Variants in PI4KA observed in about 807,000 individuals in gnomAD.
The protein encoded by PI4KA is phosphatidylinositol 4-kinase alpha.
Under a neutral mutation model 271.4 loss-of-function variants are expected in PI4KA, and 122 were observed. The ratio of observed to expected loss-of-function variants is 0.45; its 90% CI spans 0.39 to 0.52. PI4KA has a LOEUF of 0.52. Among genes scored for constraint, PI4KA ranks in the 20% least tolerant of loss-of-function variants. The pLI is 0.00. For synonymous variants in PI4KA, 1,041 were observed against 1,078.8 expected, an observed-to-expected ratio of 0.96 and a Z score of 0.69; for missense variants, 1,969 against 2,769.1, an observed-to-expected ratio of 0.71 and a Z score of 6.48.
At chr22:20,857,218 G>C (rs775171488) in intron 1 of PI4KA, among the ~76,000 whole-genome samples, 3 of 152,208 alleles carry the variant, frequency 2.0e-5, no homozygotes, top group Non-Finnish European at 1.5e-5. Flanking sequence ...AGTCACACTA[G>C]TGAAAGCAAG....
At chr22:20,756,645 T>C (rs1931345041) in intron 23 of PI4KA, among the ~76,000 whole-genome samples, 1 of 151,894 alleles carries the variant, frequency 6.6e-6, no homozygotes, top group African/African-American at 2.4e-5. Context: ...AAAATTTTTT[T>C]TTTGAGACGT....
intron 3 of PI4KA, among the ~76,000 whole-genome samples, chr22:20,828,827 A>C (rs946007896): frequency 2.0e-5 from 3 of 152,210 alleles, no homozygotes; most frequent in Non-Finnish European, 4.4e-5. Context: ...TGCTGGGATT[A>C]CAGGCGTGAG....
intron 19 of PI4KA, among the ~76,000 whole-genome samples, chr22:20,770,135 A>G (rs1473754840): frequency 6.6e-6 from 1 of 151,826 alleles, no homozygotes; most frequent in African/African-American, 2.4e-5. Flanking sequence ...TACATACTCA[A>G]GTGATCCTTC....
intron 30 of PI4KA, 55 bp downstream of exon 30, chr22:20,744,573 C>T: frequency 1.6e-6 from 2 of 1,264,968 alleles, no homozygotes; most frequent in East Asian, 4.7e-5. Flanking sequence ...GGCCAACAGG[C>T]CTCAAAACAA....
At chr22:20,767,870 A>T (rs1418871574) in intron 19 of PI4KA, among the ~76,000 whole-genome samples, 1 of 151,596 alleles carries the variant, frequency 6.6e-6, no homozygotes, top group Non-Finnish European at 1.5e-5. Context: ...CCTGACCTCA[A>T]GTGATCTGCC....
intron 36 of PI4KA, among the ~76,000 whole-genome samples, chr22:20,731,416 G>A (rs755072744): frequency 4.6e-5 from 7 of 152,000 alleles, no homozygotes; most frequent in African/African-American, 9.7e-5. Flanking sequence ...GTTGTCAGCC[G>A]TGGGTCTGCT....
At position 20,821,567 on chromosome 22, in the gene PI4KA, C is replaced by T. The variant is rs376262008; in HGVS notation, c.457-956G>A. The stretch of plus-strand genomic sequence containing the variant: ...TTTTTTTTTGTTCCTGGAAGGGTGG[C>T]TTATGCCTATAATCCCAGCACTTTT... On this transcript the variant is annotated intron_variant, in intron 4 of 54. Transcript: ENST00000255882. 1.0e-4 allele frequency among the ~76,000 whole-genome samples: 15 copies of T among 148,850 alleles called. No individual in the cohort carries two copies. In the South Asian group the frequency reaches 2.8e-3, roughly 27 times the overall value.
intron 19 of PI4KA, among the ~76,000 whole-genome samples, chr22:20,790,100 A>G (rs1934530051): frequency 6.6e-6 from 1 of 152,224 alleles, no homozygotes; most frequent in Admixed American, 6.5e-5. Context: ...AATTTAATCA[A>G]TGATATCTCT....
chr22:20,765,711 G>A lies in PI4KA; in HGVS notation c.2329-18C>T. 1 of 1,536,126 alleles carries A rather than the reference G, an allele frequency of 6.5e-7. No homozygotes were observed. Among genetic ancestry groups the A allele is most frequent in the Non-Finnish European group, 9.0e-7 (1 of 1,109,558 alleles). On this transcript the variant is annotated intron_variant, in intron 19 of 54. Coordinates refer to ENST00000255882, the MANE Select transcript of PI4KA (RefSeq NM_058004.4). ...CGGGTGAGCTGATGTGCCAAGAAGA[G>A]AGGGAGAAAGGAGGTTATTTGCTGA...
At chr22:20,816,287 CTTAT>C (rs1047546131) in intron 7 of PI4KA, among the ~76,000 whole-genome samples, 1 of 151,914 alleles carries the variant, frequency 6.6e-6, no homozygotes, top group South Asian at 2.1e-4. Context: ...AAAAATAATT[CTTAT>C]TTATTTTTTA....
chr22:20,817,053 G>C (rs1166588452), intron 7 of PI4KA, among the ~76,000 whole-genome samples: 1 of 152,170 alleles, frequency 6.6e-6, no homozygotes, highest in East Asian at 1.9e-4. Context: ...GTCTCTAAGA[G>C]GTGCGATTCT....
At chr22:20,801,015 C>G (rs1482252693) in intron 14 of PI4KA, among the ~76,000 whole-genome samples, 2 of 149,884 alleles carry the variant, frequency 1.3e-5, no homozygotes, top group African/African-American at 4.9e-5. Flanking sequence ...CTCAGCCTCC[C>G]GAGTAGCTGG....
intron 23 of PI4KA, among the ~76,000 whole-genome samples, chr22:20,760,082 C>T (rs1931804549): frequency 6.6e-6 from 1 of 152,172 alleles, no homozygotes; most frequent in African/African-American, 2.4e-5. Context: ...ATAGATTCAC[C>T]AACCTATCAA....
intron 50 of PI4KA, among the ~76,000 whole-genome samples, chr22:20,711,980 T>C (rs1466694383): frequency 6.6e-6 from 1 of 152,040 alleles, no homozygotes; most frequent in Non-Finnish European, 1.5e-5. Flanking sequence ...CTTGACCTCA[T>C]GATCTGCCCA....
In PI4KA at chr22:20,799,661, AG is replaced by A; in HGVS notation, c.1820+9del. On this transcript the variant is annotated intron_variant, in intron 15 of 54. Coordinates refer to ENST00000255882, the MANE Select transcript of PI4KA (RefSeq NM_058004.4). ...TGGGCTGCCTCTGAGAGACAGGAAT[AG>A]GGGCGTACTTGTCGCTCTCCTGAGA... The A allele has an allele frequency of 6.5e-7, 1 of 1,543,370 alleles. No homozygotes were observed. The highest frequency in any genetic ancestry group is 8.8e-7 in the Non-Finnish European group (1 of 1,139,436).
chr22:20,711,549 G>C, intron 50 of PI4KA, 88 bp from the exon 51 acceptor site: 1 of 1,142,796 alleles, frequency 8.8e-7, no homozygotes, highest in African/African-American at 1.6e-5. Context: ...TGGGCCTGTG[G>C]GCACTCTCCC....
intron 1 of PI4KA, among the ~76,000 whole-genome samples, chr22:20,843,119 C>G (rs1012293540): frequency 1.4e-5 from 2 of 146,284 alleles, no homozygotes; most frequent in African/African-American, 2.5e-5. Flanking sequence ...AAAAAAATTA[C>G]AGACAATATT....
intron 44 of PI4KA, among the ~76,000 whole-genome samples, chr22:20,718,272 G>A (rs1462862879): frequency 6.6e-6 from 1 of 152,164 alleles, no homozygotes; most frequent in African/African-American, 2.4e-5. Context: ...ATCCAAGGAT[G>A]GTGTCAGGTC....
In PI4KA at chr22:20,815,778, G is replaced by C. The variant is rs933408092; in HGVS notation, c.857-2272C>G. On this transcript the variant is annotated intron_variant, in intron 7 of 54. Coordinates refer to ENST00000255882, the MANE Select transcript of PI4KA (RefSeq NM_058004.4). The stretch of plus-strand genomic sequence containing the variant: ...AAAGGGTAGATGAGGGAGAAGGGAA[G>C]GTTGTGATTATCGGGCACTTCTCAG... 2.0e-5 allele frequency among the ~76,000 whole-genome samples: 3 copies of C among 151,886 alleles called. No individual in the cohort carries two copies. In the South Asian group the frequency reaches 6.2e-4, roughly 32 times the overall value.
Sources: gnomAD v4.1 joint callset for allele counts (sites outside exome capture counted in the v4.1 genomes callset) on GRCh38, gnomAD v4.1.1 for gene constraint, MANE v1.5 for transcripts, NCBI Gene and HGNC (gene_info 2026-07-23, HGNC 2026-07-21) for gene names.